CTSS: variants seen among roughly 807,000 people sequenced by gnomAD.
CTSS encodes cathepsin S.
CTSS carries 15 observed loss-of-function variants against 39.9 expected under a neutral mutation model. The observed-to-expected ratio is 0.38, with a 90% confidence interval of 0.25 to 0.58. The LOEUF is 0.58. Ranked by LOEUF, CTSS falls within the 20% of genes least tolerant of loss-of-function variation. The pLI is 0.70. For missense variants in CTSS, 250 were observed against 398.2 expected (o/e 0.63, Z 3.17); for synonymous variants, 126 against 138.2 (o/e 0.91, Z 0.62).
rs1469068844 is a variant in CTSS, at chr1:150,733,161, T to C, written c.897-16A>G. 1 of 1,572,194 alleles carries C rather than the reference T, an allele frequency of 6.4e-7. No individual in the cohort carries two copies. Among genetic ancestry groups the C allele is most frequent in the Middle Eastern group, 1.7e-4 (1 of 5,974 alleles). ...GTGGCCCCAGCTTTAGAAAAAGAAATAATACAAAATTACAAATGCGTACAA... is the reference window on the plus strand; with the variant it reads ...GTGGCCCCAGCTTTAGAAAAAGAAACAATACAAAATTACAAATGCGTACAA... On this transcript the variant is annotated splice_polypyrimidine_tract_variant and intron_variant, in intron 7 of 7. Coordinates refer to ENST00000368985, the MANE Select transcript of CTSS (RefSeq NM_004079.5).
intron 5 of CTSS, 72 bp downstream of exon 5, chr1:150,751,709 C>T (rs1432306376): frequency 1.4e-6 from 2 of 1,381,194 alleles, no homozygotes; most frequent in Non-Finnish European, 2.0e-6. Context: ...GGCATGGTGG[C>T]AAGCCCAGCA....
chr1:150,763,834 C>T (rs587740799), intron 2 of CTSS, among the ~76,000 whole-genome samples: 3 of 152,260 alleles, frequency 2.0e-5, no homozygotes, highest in South Asian at 2.1e-4. Flanking sequence ...TGGGTATTAA[C>T]GCCTTTTCGC....
In CTSS at chr1:150,733,044, C is replaced by T; in HGVS notation, c.*2G>A. The T allele has an allele frequency of 1.2e-6, 2 of 1,600,060 alleles. No homozygotes were observed. The highest frequency in any genetic ancestry group is 1.3e-5 in the African/African-American group (1 of 74,728). On this transcript the variant is annotated 3_prime_UTR_variant, in exon 8 of 8. Coordinates refer to ENST00000368985, the MANE Select transcript of CTSS (RefSeq NM_004079.5). ...TGATTTGTTATAAAAAGGAGAGATC[C>T]TCTAGATTTCTGGGTAAGAGGGAAA...
At chr1:150,744,523 A>G (rs1236605848) in intron 7 of CTSS, among the ~76,000 whole-genome samples, 1 of 106,280 alleles carries the variant, frequency 9.4e-6, no homozygotes, top group East Asian at 2.6e-4. Flanking sequence ...TTATATGTAT[A>G]TTATGTATAC....
intron 3 of CTSS, among the ~76,000 whole-genome samples, chr1:150,756,841 C>A (rs1653142143): frequency 6.6e-6 from 1 of 151,882 alleles, no homozygotes; most frequent in Admixed American, 6.6e-5. Flanking sequence ...CTCAGCCTCC[C>A]AAATAGCTGA....
intron 3 of CTSS, among the ~76,000 whole-genome samples, chr1:150,757,386 G>A (rs587675893): frequency 7.2e-5 from 11 of 152,274 alleles, no homozygotes; most frequent in Admixed American, 3.9e-4. Context: ...TACCTAGGGC[G>A]TTCCCTTCTT....
chr1:150,755,337 G>A (rs189227600), intron 3 of CTSS, among the ~76,000 whole-genome samples, 187 bp from the exon 4 acceptor site: 12 of 152,254 alleles, frequency 7.9e-5, no homozygotes, highest in Non-Finnish European at 1.8e-4. Context: ...AAACCTGCAC[G>A]GCATGGTACT....
At chr1:150,762,919 G>A (rs1302386712) in intron 2 of CTSS, among the ~76,000 whole-genome samples, 2 of 152,002 alleles carry the variant, frequency 1.3e-5, no homozygotes, top group Non-Finnish European at 2.9e-5. Flanking sequence ...CTCACTTCTG[G>A]GTATATGTCC....
At chr1:150,744,674 G>A (rs1392844433) in intron 7 of CTSS, among the ~76,000 whole-genome samples, 1 of 141,092 alleles carries the variant, frequency 7.1e-6, no homozygotes, top group Non-Finnish European at 1.5e-5. Flanking sequence ...TATTATGTAT[G>A]CATACATAAT....
Position 150,733,136 on chromosome 1 carries a change from G to A in CTSS, c.906C>T (p.His302=). ...GAATATATCCTTCTTCACCAAAGTT[G>A]TGGCCCCAGCTTTAGAAAAAGAAAT... The part of the protein sequence containing the change: ...EYWLVKNSWG[H]NFGEEGYIRM... The change falls in exon 8 of 8, where the codon CAC becomes CAT. Residue 302 remains histidine, a synonymous_variant. Transcript: ENST00000368985. 1 of 1,611,166 alleles carries A rather than the reference G, an allele frequency of 6.2e-7. No individual in the cohort carries two copies. The highest frequency in any genetic ancestry group is 1.7e-5 in the Admixed American group (1 of 59,640).
In CTSS at chr1:150,749,885, G is replaced by A. The variant is rs1325423067; in HGVS notation, c.793+121C>T. 11 of 775,892 alleles carry A rather than the reference G, an allele frequency of 1.4e-5. No individual in the cohort carries two copies. In the East Asian group the frequency reaches 3.0e-4, roughly 21 times the overall value. 48.1% of individuals were successfully genotyped at this position (775,892 alleles called of 1,614,324 possible). On this transcript the variant is annotated intron_variant, in intron 6 of 7. Transcript: ENST00000368985. Reference sequence around the variant, plus strand: ...GCTCAGGCTGGTGTCAAACTCCCAGGCTCAAGCAATCCTCCCACCTCAGCC... The same window carrying A: ...GCTCAGGCTGGTGTCAAACTCCCAGACTCAAGCAATCCTCCCACCTCAGCC...
At chr1:150,758,538 T>C (rs1438665519) in intron 2 of CTSS, among the ~76,000 whole-genome samples, 3 of 151,978 alleles carry the variant, frequency 2.0e-5, no homozygotes, top group Non-Finnish European at 2.9e-5. Context: ...TTATTATTAT[T>C]ATTATTATTA....
intron 1 of CTSS, among the ~76,000 whole-genome samples, chr1:150,765,308 A>G (rs1335453000): frequency 6.6e-6 from 1 of 150,620 alleles, no homozygotes; most frequent in East Asian, 1.9e-4. Context: ...TTTAATGATC[A>G]GACATCTGTT....
intron 5 of CTSS, among the ~76,000 whole-genome samples, chr1:150,751,381 G>A (rs1653002815): frequency 6.6e-6 from 1 of 151,942 alleles, no homozygotes. Context: ...CCGAGTAGCT[G>A]GGACCACAGG....
intron 1 of CTSS, among the ~76,000 whole-genome samples, chr1:150,765,269 G>C (rs587648846): frequency 2.5e-4 from 37 of 148,674 alleles, no homozygotes; most frequent in African/African-American, 9.4e-4. Context: ...TCTTTAGGTA[G>C]GTAATTTTCC....
intron 5 of CTSS, among the ~76,000 whole-genome samples, chr1:150,750,888 C>A (rs1299918369): frequency 6.6e-6 from 1 of 152,112 alleles, no homozygotes; most frequent in Non-Finnish European, 1.5e-5. Context: ...GCAATCCTCC[C>A]ACCTCGACCT....
Position 150,731,096 on chromosome 1 carries a change from C to T in CTSS, c.*1950G>A, listed in dbSNP as rs1468251751. 1.3e-5 allele frequency: 2 copies of T among 152,068 alleles called. No individual in the cohort carries two copies. Among genetic ancestry groups the T allele is most frequent in the Non-Finnish European group, 2.9e-5 (2 of 68,014 alleles). 9.4% of individuals were successfully genotyped at this position (152,068 alleles called of 1,614,324 possible). ...GATAAAACAAAAATTATGTTAAAAACTGAAAAGTAGGCTGGGCTCAGTGGC... is the reference window on the plus strand; with the variant it reads ...GATAAAACAAAAATTATGTTAAAAATTGAAAAGTAGGCTGGGCTCAGTGGC... On this transcript the variant is annotated 3_prime_UTR_variant, in exon 8 of 8. Coordinates refer to ENST00000368985, the MANE Select transcript of CTSS (RefSeq NM_004079.5).
At chr1:150,734,782 A>G (rs866159005) in intron 7 of CTSS, among the ~76,000 whole-genome samples, 22 of 152,248 alleles carry the variant, frequency 1.4e-4, no homozygotes, top group Admixed American at 3.3e-4. Context: ...AAATAAATTT[A>G]TATTAATGAA....
chr1:150,755,001 T>C lies in CTSS; in HGVS notation c.399A>G (p.Gln133=). 1.9e-6 allele frequency: 3 copies of C among 1,613,634 alleles called. No homozygotes were observed. The highest frequency in any genetic ancestry group is 2.5e-6 in the Non-Finnish European group (3 of 1,179,668). ...EKGCVTEVKY[Q]GSCGACWAFS... ...AGAGGCTTGGGATGGTAATACTCAC[T>C]TGATATTTCACTTCAGTAACACACC... The change falls in exon 4 of 8, where the codon CAA becomes CAG. Residue 133 remains glutamine, a splice_region_variant and synonymous_variant. Transcript: ENST00000368985.
Sources: allele counts gnomAD v4.1 joint callset (sites outside exome capture counted in the v4.1 genomes callset), GRCh38; gene constraint gnomAD v4.1.1; transcripts MANE v1.5; gene names NCBI Gene and HGNC (gene_info 2026-07-23, HGNC 2026-07-21).